Variants in GLCCI1 observed in about 807,000 individuals in gnomAD.
The protein encoded by GLCCI1 is glucocorticoid induced 1, also known as glucocorticoid-induced transcript 1 protein.
In GLCCI1, 24 loss-of-function variants were observed where a neutral mutation model predicts 52.2. The ratio of observed to expected loss-of-function variants is 0.46; its 90% CI spans 0.33 to 0.65. The LOEUF is 0.65. GLCCI1 is among the 30% of genes least tolerant of loss of function. GLCCI1 has a pLI of 0.02. For synonymous variants in GLCCI1, 310 were observed against 276.5 expected (o/e 1.12, Z -1.20); for missense variants, 704 against 701.5 (o/e 1.00, Z -0.04).
In GLCCI1 at chr7:7,969,323, G is replaced by T. The variant is rs764094851; in HGVS notation, c.-28G>T. On this transcript the variant is annotated 5_prime_UTR_variant, in exon 1 of 8. Transcript: ENST00000223145. This position sits in a 1 kb window ranked among gnomAD's most constrained non-coding sequence, Gnocchi z 4.9. ...CCCGCCCCGCGCCTCCGTGTCGGCC[G>T]GCGGCGTCCAGGGCCCGCAGAGCCA... 2 of 1,395,750 alleles carry T rather than the reference G, an allele frequency of 1.4e-6. No individual in the cohort carries two copies. Among genetic ancestry groups the T allele is most frequent in the Non-Finnish European group, 1.9e-6 (2 of 1,066,700 alleles). 86.5% of individuals were successfully genotyped at this position (1,395,750 alleles called of 1,614,324 possible). A position where few individuals can be genotyped will look rare whatever the true frequency, so the allele number is the denominator to read the frequency against.
intron 6 of GLCCI1, among the ~76,000 whole-genome samples, chr7:8,080,425 G>GAAAGT (rs1782970260): frequency 1.3e-5 from 2 of 151,438 alleles, no homozygotes; most frequent in South Asian, 4.1e-4. Context: ...CATATACTAT[G>GAAAGT]AAAGTATTTT....
At chr7:8,052,497 A>G (rs1444501550) in intron 3 of GLCCI1, among the ~76,000 whole-genome samples, 2 of 152,200 alleles carry the variant, frequency 1.3e-5, no homozygotes, top group Admixed American at 1.3e-4. Context: ...TGTCCCACTG[A>G]AACACTGTTC....
At chr7:8,072,934 C>T (rs1489775877) in intron 6 of GLCCI1, among the ~76,000 whole-genome samples, 1 of 152,142 alleles carries the variant, frequency 6.6e-6, no homozygotes, top group Non-Finnish European at 1.5e-5. Flanking sequence ...AGATTGCCTT[C>T]AGGGCCTCCC....
In GLCCI1 at chr7:8,078,204, G is replaced by A. The variant is rs568882557; in HGVS notation, c.1178-6693G>A. ...AGCCTGGGCGACAGTGCGAGACTCCGTCTTAAAAAAAAAAAAAAAAAAAAA... is the reference window on the plus strand; with the variant it reads ...AGCCTGGGCGACAGTGCGAGACTCCATCTTAAAAAAAAAAAAAAAAAAAAA... On this transcript the variant is annotated intron_variant, in intron 6 of 7. Coordinates refer to ENST00000223145, the MANE Select transcript of GLCCI1 (RefSeq NM_138426.4). Among the ~76,000 whole-genome samples the A allele has an allele frequency of 1.9e-3, 165 of 87,728 alleles. No individual in the cohort carries two copies. In the East Asian group the frequency reaches 0.026, roughly 14 times the overall value. 57.6% of individuals were successfully genotyped at this position (87,728 alleles called of 152,430 possible). A position where few individuals can be genotyped will look rare whatever the true frequency, so the allele number is the denominator to read the frequency against.
At chr7:7,988,616 G>C (rs1398493058) in intron 1 of GLCCI1, among the ~76,000 whole-genome samples, 1 of 152,028 alleles carries the variant, frequency 6.6e-6, no homozygotes, top group African/African-American at 2.4e-5. Flanking sequence ...ATGTCATTAA[G>C]AACCTAATGT....
At chr7:8,080,953 G>A (rs543331928) in intron 6 of GLCCI1, among the ~76,000 whole-genome samples, 51 of 151,452 alleles carry the variant, frequency 3.4e-4, no homozygotes, top group African/African-American at 1.2e-3. Flanking sequence ...GTGGTTACAG[G>A]CGTAAGCCAC....
intron 2 of GLCCI1, among the ~76,000 whole-genome samples, chr7:8,011,693 T>G (rs1184919294): frequency 6.6e-6 from 1 of 152,214 alleles, no homozygotes; most frequent in Non-Finnish European, 1.5e-5. Flanking sequence ...AGGGTAATTC[T>G]GTGTTTAAAT....
intron 2 of GLCCI1, among the ~76,000 whole-genome samples, chr7:8,020,744 A>G (rs1047213974): frequency 1.3e-5 from 2 of 152,232 alleles, no homozygotes; most frequent in African/African-American, 4.8e-5. Flanking sequence ...ATGATTCTTA[A>G]TCTTTTCATT....
chr7:7,996,023 G>A (rs1206880917), intron 1 of GLCCI1, among the ~76,000 whole-genome samples: 2 of 152,096 alleles, frequency 1.3e-5, no homozygotes, highest in Non-Finnish European at 2.9e-5. Context: ...AAATTGAGAT[G>A]TAATAGTGAG....
intron 2 of GLCCI1, among the ~76,000 whole-genome samples, chr7:8,010,479 C>G (rs1033027927): frequency 1.3e-5 from 2 of 152,146 alleles, no homozygotes; most frequent in Admixed American, 6.6e-5. Flanking sequence ...CTTATAAAAT[C>G]TCTGTGCTTC....
rs182099972 is a variant in GLCCI1 at position 8,023,701 on chromosome 7, C to T, written c.696+1132C>T. Among the ~76,000 whole-genome samples, 669 of 145,862 alleles carry T rather than the reference C, an allele frequency of 4.6e-3. 6 individuals carry two copies. Among genetic ancestry groups the T allele is most frequent in the African/African-American group, 0.016 (624 of 39,080 alleles). On this transcript the variant is annotated intron_variant, in intron 3 of 7. Coordinates refer to ENST00000223145, the MANE Select transcript of GLCCI1 (RefSeq NM_138426.4). ...GCAGCTTCCACCTCCCAGGTTCAAG[C>T]GATTCTCCTGCCTCAGCCACCCGAG...
At chr7:8,019,728 G>T (rs562378443) in intron 2 of GLCCI1, among the ~76,000 whole-genome samples, 51 of 152,254 alleles carry the variant, frequency 3.3e-4, no homozygotes, top group Non-Finnish European at 4.4e-5. Context: ...GCATGTTACC[G>T]TAATGCAGAC....
intron 3 of GLCCI1, among the ~76,000 whole-genome samples, chr7:8,031,754 G>A (rs960743868): frequency 3.3e-5 from 5 of 151,478 alleles, no homozygotes; most frequent in African/African-American, 9.7e-5. Context: ...GCAAAAAGAT[G>A]GGAAAAGATA....
chr7:8,076,068 C>A (rs1251040737), intron 6 of GLCCI1, among the ~76,000 whole-genome samples: 5 of 152,122 alleles, frequency 3.3e-5, no homozygotes, highest in Non-Finnish European at 7.4e-5. Context: ...TCTTCCTATT[C>A]CTTTATACGT....
Position 8,086,580 on chromosome 7 carries a change from G to A in GLCCI1, c.*42G>A. ...CTCCACCCTATGTTCCATGGATTCG[G>A]AACAAGATTTCAGACATCTGCATGA... On this transcript the variant is annotated 3_prime_UTR_variant, in exon 8 of 8. Transcript: ENST00000223145. The surrounding 1 kb of genome is among the most constrained non-coding windows in gnomAD (Gnocchi z 4.4). 2.0e-6 allele frequency: 3 copies of A among 1,486,920 alleles called. No individual in the cohort carries two copies. The highest frequency in any genetic ancestry group is 2.7e-6 in the Non-Finnish European group (3 of 1,104,016). The allele number at this position is 1,486,920 out of a possible 1,614,324, so 92.1% of individuals were successfully genotyped here. A position where few individuals can be genotyped will look rare whatever the true frequency, so the allele number is the denominator to read the frequency against.
chr7:7,993,257 T>C (rs1373796627), intron 1 of GLCCI1, among the ~76,000 whole-genome samples: 1 of 152,146 alleles, frequency 6.6e-6, no homozygotes, highest in Non-Finnish European at 1.5e-5. Flanking sequence ...GCTCTAGTGC[T>C]CCCACTCTTC....
intron 2 of GLCCI1, among the ~76,000 whole-genome samples, chr7:8,009,689 T>C (rs1480202494): frequency 2.0e-5 from 3 of 152,218 alleles, no homozygotes. Context: ...GACCCATACA[T>C]GTAGTATGAG....
In GLCCI1 at chr7:8,071,206, C is replaced by T. The variant is rs1163076795; in HGVS notation, c.1177+75C>T. On this transcript the variant is annotated intron_variant, in intron 6 of 7. Coordinates refer to ENST00000223145, the MANE Select transcript of GLCCI1 (RefSeq NM_138426.4). ...TATACCTTGTCTTAGACCATTACAT[C>T]TTTTTTTTTTTCTTTTGTTCAATGG... 4.9e-5 allele frequency: 43 copies of T among 884,610 alleles called. No homozygotes were observed. In the East Asian group the frequency reaches 7.1e-4, roughly 15 times the overall value. The allele number at this position is 884,610 out of a possible 1,614,324, so 54.8% of individuals were successfully genotyped here.
chr7:7,969,241 C>G lies in GLCCI1; in HGVS notation c.-110C>G. ...CTCCCCCACAGCGATACCCCCGCCC[C>G]TCCCCCTTACACACTCGCACGCACT... On this transcript the variant is annotated 5_prime_UTR_variant, in exon 1 of 8. Coordinates refer to ENST00000223145, the MANE Select transcript of GLCCI1 (RefSeq NM_138426.4). The surrounding 1 kb of genome is among the most constrained non-coding windows in gnomAD (Gnocchi z 4.9). 9.5e-7 allele frequency: 1 copy of G among 1,050,422 alleles called. No homozygotes were observed. The highest frequency in any genetic ancestry group is 1.2e-6 in the Non-Finnish European group (1 of 837,680). 65.1% of individuals were successfully genotyped at this position (1,050,422 alleles called of 1,614,324 possible).
Sources: gnomAD v4.1 joint callset for allele counts (sites outside exome capture counted in the v4.1 genomes callset) on GRCh38, gnomAD v4.1.1 for gene constraint, Gnocchi (gnomAD v3.1) non-coding constraint, MANE v1.5 for transcripts, NCBI Gene and HGNC (gene_info 2026-07-23, HGNC 2026-07-21) for gene names.